MTSS1: variants seen among roughly 807,000 people sequenced by gnomAD.
MTSS1 encodes the protein protein MTSS 1.
A neutral mutation model predicts 79.0 loss-of-function variants in MTSS1; 18 were observed. The ratio of observed to expected loss-of-function variants is 0.23; its 90% confidence interval spans 0.16 to 0.34. The LOEUF (loss-of-function observed/expected upper bound fraction) is 0.34, where lower values mean the gene tolerates loss of function less well. MTSS1 is among the 10% of genes least tolerant of loss of function. The probability of loss-of-function intolerance (pLI) is 1.00; values close to 1 mark genes in which losing one functional copy is unlikely to be tolerated. For missense variants in MTSS1, 815 were observed against 986.2 expected, an observed-to-expected ratio of 0.83 and a Z score of 2.33; for synonymous variants, 341 against 368.6, an observed-to-expected ratio of 0.93 and a Z score of 0.86.
chr8:124,712,268 G>A (rs952262853), intron 1 of MTSS1, among the ~76,000 whole-genome samples: 8 of 152,120 alleles, frequency 5.3e-5, no homozygotes, highest in African/African-American at 1.2e-4. Flanking sequence ...CCAGGTCTGC[G>A]GAGACCTCAG....
At chr8:124,668,698 A>G (rs1294170940) in intron 3 of MTSS1, among the ~76,000 whole-genome samples, 26 of 152,326 alleles carry the variant, frequency 1.7e-4, no homozygotes, top group Non-Finnish European at 2.9e-5. Flanking sequence ...GCCACAATGA[A>G]GACCTCAGTG....
At chr8:124,591,894 C>T (rs564875951) in intron 3 of MTSS1, among the ~76,000 whole-genome samples, 13 of 152,154 alleles carry the variant, frequency 8.5e-5, no homozygotes, top group African/African-American at 3.1e-4. Context: ...AATTCTCCTG[C>T]CTCAGCCTCC....
At chr8:124,706,613 T>C (rs1365460104) in intron 1 of MTSS1, among the ~76,000 whole-genome samples, 2 of 152,238 alleles carry the variant, frequency 1.3e-5, no homozygotes, top group Non-Finnish European at 2.9e-5. Context: ...AAGAATCGTG[T>C]CTGGCTGGCT....
At chr8:124,674,587 G>A (rs535144028) in intron 3 of MTSS1, among the ~76,000 whole-genome samples, 9 of 151,960 alleles carry the variant, frequency 5.9e-5, no homozygotes, top group South Asian at 4.2e-4. Context: ...GCAGGGATCC[G>A]CCCCCCTCGG....
intron 6 of MTSS1, among the ~76,000 whole-genome samples, chr8:124,572,378 A>C (rs1827965674): frequency 6.6e-6 from 1 of 152,248 alleles, no homozygotes; most frequent in Non-Finnish European, 1.5e-5. Flanking sequence ...TATAAAAAAA[A>C]ACTGTGAAAG....
intron 3 of MTSS1, among the ~76,000 whole-genome samples, chr8:124,595,800 T>A (rs1444824664): frequency 6.6e-6 from 1 of 151,772 alleles, no homozygotes; most frequent in Non-Finnish European, 1.5e-5. Context: ...ATCTGGAGAG[T>A]GTGGCAGGGC....
chr8:124,653,844 G>T (rs754728357), intron 3 of MTSS1, among the ~76,000 whole-genome samples: 1 of 152,204 alleles, frequency 6.6e-6, no homozygotes, highest in Admixed American at 6.5e-5. Flanking sequence ...TTTCCTTGAG[G>T]CTGCTGGGAG....
rs145697746 is a variant in MTSS1, at chr8:124,643,022, A to G, written c.209-51787T>C. ...ACTTAGCACATACAATAAGTTCTCA[A>G]TCCATGGTAGCTGCTATTCTTCTTT... On this transcript the variant is annotated intron_variant, in intron 3 of 13. Coordinates refer to ENST00000518547, the MANE Select transcript of MTSS1 (RefSeq NM_014751.6). Among the ~76,000 whole-genome samples, 1,294 of 152,306 alleles carry G rather than the reference A, an allele frequency of 8.5e-3. 17 individuals are homozygous for G. The highest frequency in any genetic ancestry group is 0.029 in the African/African-American group (1,223 of 41,564).
intron 3 of MTSS1, 134 bp from the exon 4 acceptor site, chr8:124,591,369 C>A: frequency 1.4e-6 from 1 of 705,870 alleles, no homozygotes. Flanking sequence ...AAGCTTCTCA[C>A]CATGCCCATG....
chr8:124,681,645 G>A (rs555486874), intron 3 of MTSS1, among the ~76,000 whole-genome samples: 7 of 151,992 alleles, frequency 4.6e-5, no homozygotes, highest in African/African-American at 1.2e-4. Context: ...AAAATTAGCC[G>A]GGTGTGGTGG....
chr8:124,679,978 T>A (rs1825875710), intron 3 of MTSS1, among the ~76,000 whole-genome samples: 1 of 152,228 alleles, frequency 6.6e-6, no homozygotes, highest in Non-Finnish European at 1.5e-5. Flanking sequence ...CAAGACATTC[T>A]TTAAACTTAG....
chr8:124,577,666 C>A, intron 6 of MTSS1: 1 of 516,594 alleles, frequency 1.9e-6, no homozygotes, highest in Non-Finnish European at 3.9e-6. Flanking sequence ...AGGGGTCTGG[C>A]TGTGCCTACA....
Position 124,627,218 on chromosome 8 carries a change from G to C in MTSS1, c.209-35983C>G, listed in dbSNP as rs547590441. Among the ~76,000 whole-genome samples the C allele has an allele frequency of 2.5e-3, 383 of 152,232 alleles. 2 individuals carry two copies. The highest frequency in any genetic ancestry group is 8.1e-3 in the African/African-American group (337 of 41,522). ...GCCCTCTGAGCTATCTAAAAAACTG[G>C]AATCATCTTACAGTGTTTAAAAACC... On this transcript the variant is annotated intron_variant, in intron 3 of 13. Coordinates refer to ENST00000518547, the MANE Select transcript of MTSS1 (RefSeq NM_014751.6).
intron 3 of MTSS1, among the ~76,000 whole-genome samples, chr8:124,600,309 A>C (rs1289446911): frequency 6.6e-6 from 1 of 152,210 alleles, no homozygotes; most frequent in African/African-American, 2.4e-5. Context: ...TTTTGTAGAA[A>C]TGACAAATCT....
intron 3 of MTSS1, among the ~76,000 whole-genome samples, chr8:124,622,237 A>T (rs1813703960): frequency 6.6e-6 from 1 of 152,106 alleles, no homozygotes; most frequent in South Asian, 2.1e-4. Flanking sequence ...CTTGTATGTG[A>T]TCTTACTTAT....
chr8:124,614,433 T>C (rs564636282), intron 3 of MTSS1, among the ~76,000 whole-genome samples: 188 of 152,334 alleles, frequency 1.2e-3, no homozygotes, highest in African/African-American at 4.3e-3. Context: ...CTTTTCCCAA[T>C]GTGGAGACAG....
At chr8:124,631,640 C>T (rs1815975984) in intron 3 of MTSS1, among the ~76,000 whole-genome samples, 2 of 152,236 alleles carry the variant, frequency 1.3e-5, no homozygotes, top group South Asian at 4.1e-4. Flanking sequence ...AGTCCACTCA[C>T]TTCACTCCCA....
intron 3 of MTSS1, among the ~76,000 whole-genome samples, chr8:124,630,268 G>A (rs1276911777): frequency 1.3e-5 from 2 of 151,884 alleles, no homozygotes; most frequent in Non-Finnish European, 2.9e-5. Context: ...CTGAATGGGG[G>A]CCACCACATC....
chr8:124,662,362 C>T (rs550222223), intron 3 of MTSS1, among the ~76,000 whole-genome samples: 2 of 152,132 alleles, frequency 1.3e-5, no homozygotes, highest in African/African-American at 4.8e-5. Flanking sequence ...TTCCAGGGCC[C>T]GGCACATAGT....
Sources: gnomAD v4.1 joint callset for allele counts (sites outside exome capture counted in the v4.1 genomes callset) on GRCh38, gnomAD v4.1.1 for gene constraint, MANE v1.5 for transcripts, NCBI Gene and HGNC (gene_info 2026-07-23, HGNC 2026-07-21) for gene names.